Variants in VWA8 observed in about 807,000 individuals in gnomAD.
The protein encoded by VWA8 is von Willebrand factor A domain containing 8.
In VWA8, 221 loss-of-function variants were observed where a neutral mutation model predicts 241.5. The observed-to-expected ratio is 0.91, with a 90% confidence interval of 0.82 to 1.02. The LOEUF (loss-of-function observed/expected upper bound fraction) is 1.02, where lower values mean the gene tolerates loss of function less well. VWA8 is among the 50% of genes least tolerant of loss of function. VWA8 has a pLI of 0.00. For missense variants in VWA8, 2,322 were observed against 2,328.7 expected (o/e 1.00, Z 0.06); for synonymous variants, 852 against 827.1 (o/e 1.03, Z -0.52).
At chr13:41,803,958 T>C (rs1870073695) in intron 17 of VWA8, among the ~76,000 whole-genome samples, 1 of 152,150 alleles carries the variant, frequency 6.6e-6, no homozygotes, top group Admixed American at 6.5e-5. Context: ...ATTAGTAAGC[T>C]TGAAGACAGG....
intron 37 of VWA8, among the ~76,000 whole-genome samples, chr13:41,648,368 T>C (rs558429544): frequency 1.3e-5 from 2 of 152,260 alleles, no homozygotes; most frequent in South Asian, 2.1e-4. Flanking sequence ...CAGAACAACT[T>C]AGATTTCTGA....
chr13:41,659,217 G>T (rs1398177904), intron 37 of VWA8, among the ~76,000 whole-genome samples: 1 of 152,156 alleles, frequency 6.6e-6, no homozygotes, highest in African/African-American at 2.4e-5. Flanking sequence ...TCTCCAGTCA[G>T]AAGTATGTAA....
At chr13:41,869,010 G>C (rs898088929) in intron 9 of VWA8, among the ~76,000 whole-genome samples, 3 of 148,972 alleles carry the variant, frequency 2.0e-5, no homozygotes, top group Non-Finnish European at 4.4e-5. Flanking sequence ...TATTAAAATA[G>C]TCCCTAAAAT....
chr13:41,784,741 TATATATATATATATATATATAC>T (rs1566456408), intron 18 of VWA8, among the ~76,000 whole-genome samples: 59 of 67,360 alleles, frequency 8.8e-4, no homozygotes, highest in Admixed American at 1.2e-3. Flanking sequence ...CACACACATA[TATATATATATATATATATATAC>T]ACACACACAC....
intron 37 of VWA8, among the ~76,000 whole-genome samples, chr13:41,653,765 T>C (rs2044883792): frequency 6.6e-6 from 1 of 151,988 alleles, no homozygotes; most frequent in African/African-American, 2.4e-5. Context: ...TGCCCACCTA[T>C]AGCCATATGA....
At chr13:41,834,980 A>G (rs1472856826) in intron 12 of VWA8, among the ~76,000 whole-genome samples, 1 of 152,192 alleles carries the variant, frequency 6.6e-6, no homozygotes, top group Admixed American at 6.5e-5. Flanking sequence ...CTAACCCAGG[A>G]ACAGAAAACC....
intron 20 of VWA8, among the ~76,000 whole-genome samples, chr13:41,769,652 C>T (rs572439369): frequency 1.9e-4 from 29 of 152,102 alleles, no homozygotes; most frequent in African/African-American, 7.0e-4. Flanking sequence ...TGCTATGATG[C>T]AAAAAAGCAT....
intron 12 of VWA8, among the ~76,000 whole-genome samples, chr13:41,838,511 A>T (rs1199152028): frequency 6.6e-6 from 1 of 152,194 alleles, no homozygotes; most frequent in Non-Finnish European, 1.5e-5. Flanking sequence ...GACTTCAACC[A>T]GGTTTAAAAA....
At chr13:41,602,871 T>C (rs1448800391) in intron 40 of VWA8, among the ~76,000 whole-genome samples, 1 of 152,162 alleles carries the variant, frequency 6.6e-6, no homozygotes, top group East Asian at 1.9e-4. Context: ...CAGTAAATGC[T>C]TGCTATTATT....
In VWA8 at chr13:41,886,047, T is replaced by C. The variant is rs753814677; in HGVS notation, c.867-19A>G. 2.1e-6 allele frequency: 3 copies of C among 1,463,122 alleles called. No individual in the cohort carries two copies. Among genetic ancestry groups the C allele is most frequent in the Admixed American group, 4.3e-5 (2 of 46,016 alleles). 90.6% of individuals were successfully genotyped at this position (1,463,122 alleles called of 1,614,324 possible). A position where few individuals can be genotyped will look rare whatever the true frequency, so the allele number is the denominator to read the frequency against. On this transcript the variant is annotated intron_variant, in intron 7 of 44. Coordinates refer to ENST00000379310, the MANE Select transcript of VWA8 (RefSeq NM_015058.2). ...AGAAACTCTAAGGGAAAAATGATAT[T>C]AAATTTTAATAGTTTTAAAATATAA...
chr13:41,886,994 C>A (rs1000255618), intron 6 of VWA8, among the ~76,000 whole-genome samples, 164 bp from the exon 7 acceptor site: 8 of 152,022 alleles, frequency 5.3e-5, no homozygotes, highest in Non-Finnish European at 1.2e-4. Context: ...GAAAAGCCAG[C>A]CTTTTAAAAA....
At chr13:41,569,372 T>C (rs957820967) in intron 44 of VWA8, among the ~76,000 whole-genome samples, 1 of 152,244 alleles carries the variant, frequency 6.6e-6, no homozygotes, top group Non-Finnish European at 1.5e-5. Context: ...GGAAAAGGCA[T>C]AGTTTGTGTT....
At chr13:41,732,032 A>G in intron 22 of VWA8, 48 bp downstream of exon 22, 1 of 1,543,586 alleles carries the variant, frequency 6.5e-7, no homozygotes, top group Non-Finnish European at 8.9e-7. Flanking sequence ...AAATACAACT[A>G]TGATACAAAA....
intron 40 of VWA8, among the ~76,000 whole-genome samples, chr13:41,599,967 A>C (rs2044511048): frequency 6.6e-6 from 1 of 152,106 alleles, no homozygotes; most frequent in Admixed American, 6.6e-5. Context: ...GCATGGCAGT[A>C]ACAAAATGGA....
At chr13:41,620,180 T>C (rs1482448096) in intron 37 of VWA8, among the ~76,000 whole-genome samples, 1 of 152,340 alleles carries the variant, frequency 6.6e-6, no homozygotes, top group African/African-American at 2.4e-5. Context: ...ATTCAACGTC[T>C]TCCTGGTTTA....
chr13:41,625,590 G>A lies in VWA8; in HGVS notation c.4612-10506C>T, dbSNP rs866083557. 1.1e-4 allele frequency among the ~76,000 whole-genome samples: 16 copies of A among 152,154 alleles called. No homozygotes were observed. The East Asian group carries it at 2.5e-3, about 24-fold the overall frequency. On this transcript the variant is annotated intron_variant, in intron 37 of 44. Transcript: ENST00000379310. ...TAAAAAGTCAGGAAACAACAGGTGC[G>A]GGAGAGGATGTGGAGAAATAGGAAC... is the stretch of plus-strand genomic sequence containing the variant.
intron 37 of VWA8, among the ~76,000 whole-genome samples, chr13:41,649,696 G>A (rs2044857111): frequency 6.6e-6 from 1 of 151,940 alleles, no homozygotes; most frequent in Admixed American, 6.6e-5. Flanking sequence ...TTTTTCTACT[G>A]AAATGCACCT....
At chr13:41,833,926 C>T (rs1871599476) in intron 12 of VWA8, among the ~76,000 whole-genome samples, 1 of 152,158 alleles carries the variant, frequency 6.6e-6, no homozygotes, top group African/African-American at 2.4e-5. Flanking sequence ...CATGTGTTGA[C>T]TCAATTTTAA....
chr13:41,960,866 C>A lies in VWA8; in HGVS notation c.150G>T (p.Ser50=). The A allele has an allele frequency of 6.6e-7, 1 of 1,518,342 alleles. No homozygotes were observed. Among genetic ancestry groups the A allele is most frequent in the Non-Finnish European group, 8.8e-7 (1 of 1,139,116 alleles). The allele number at this position is 1,518,342 out of a possible 1,614,324, so 94.1% of individuals were successfully genotyped here. A position where few individuals can be genotyped will look rare whatever the true frequency, so the allele number is the denominator to read the frequency against. ...RPEVRLLHAG[S]GADTGDTVNI... is the part of the protein sequence containing the mutation. ...ACCCCGAGTTACCTGTGTCGGCCCC[C>A]GAGCCGGCGTGCAACAGTCTGACCT... Residue 50 remains serine, a synonymous_variant, in exon 1 of 45, where the codon TCG becomes TCT. Transcript: ENST00000379310.
Sources: allele counts gnomAD v4.1 joint callset (sites outside exome capture counted in the v4.1 genomes callset), GRCh38; gene constraint gnomAD v4.1.1; transcripts MANE v1.5; gene names NCBI Gene and HGNC (gene_info 2026-07-23, HGNC 2026-07-21).